The following UAP1 variants were observed in gnomAD, a reference collection of about 807,000 sequenced individuals.
The protein encoded by UAP1 is UDP-N-acetylglucosamine pyrophosphorylase 1.
UAP1 carries 25 observed loss-of-function variants against 58.5 expected under a neutral mutation model. That is an observed-to-expected ratio of 0.43 (90% CI 0.31 to 0.60). The LOEUF is 0.60. Ranked by LOEUF, UAP1 falls within the 20% of genes least tolerant of loss-of-function variation. UAP1 has a pLI of 0.11. For missense variants in UAP1, 575 were observed against 630.0 expected (o/e 0.91, Z 0.93); for synonymous variants, 208 against 213.0 (o/e 0.98, Z 0.21).
exon 2 of UAP1, chr1:162,566,309 A>G: frequency 1.2e-6 from 2 of 1,614,180 alleles, no homozygotes; most frequent in Non-Finnish European, 1.7e-6. Context: ...AGGCAGTGCT[A>G]CAAGGGATCA....
At chr1:162,567,361 A>G (rs1557963988) in intron 2 of UAP1, among the ~76,000 whole-genome samples, 1 of 152,238 alleles carries the variant, frequency 6.6e-6, no homozygotes, top group Non-Finnish European at 1.5e-5. Flanking sequence ...ATTTAGAACA[A>G]GAGTTTTATA....
intron 9 of UAP1, chr1:162,593,007 C>G: frequency 3.7e-6 from 2 of 546,788 alleles, no homozygotes; most frequent in Non-Finnish European, 6.5e-6. Context: ...ACTAAAGAAT[C>G]TGACCACAGG....
chr1:162,562,658 TG>T, intron 1 of UAP1: 1 of 152,328 alleles, frequency 6.6e-6, no homozygotes, highest in African/African-American at 2.4e-5. Flanking sequence ...TGAAATTCAC[TG>T]GGTGTGGATC....
intron 9 of UAP1, chr1:162,597,099 C>G (rs1242343894): frequency 6.6e-6 from 1 of 152,092 alleles, no homozygotes; most frequent in East Asian, 1.9e-4. Flanking sequence ...TAATCTAGGA[C>G]ATTTGGGTTG....
At chr1:162,592,258 C>T (rs570173785) in intron 8 of UAP1, among the ~76,000 whole-genome samples, 5 of 152,056 alleles carry the variant, frequency 3.3e-5, no homozygotes, top group African/African-American at 7.2e-5. Context: ...GGCATGGTAG[C>T]GCATGCCTGT....
Position 162,592,714 on chromosome 1 carries a change from T to TTATTTATTC in UAP1, c.1359-17_1359-9dup, listed in dbSNP as rs773210796. The TTATTTATTC allele has an allele frequency of 7.6e-4, 1,170 of 1,539,790 alleles. 2 individuals carry two copies. The highest frequency in any genetic ancestry group is 9.6e-4 in the Non-Finnish European group (1,094 of 1,137,158). On this transcript the variant is annotated splice_polypyrimidine_tract_variant and intron_variant, in intron 8 of 10. Coordinates refer to ENST00000271469, the Ensembl canonical transcript of UAP1. ...GATTTGCTTCCATTCCCATTAATCC[T>TTATTTATTC]TATTTATTCCCACATAGCAGTGCTA...
intron 5 of UAP1, among the ~76,000 whole-genome samples, chr1:162,584,287 T>C (rs1467090927): frequency 6.6e-6 from 1 of 152,208 alleles, no homozygotes; most frequent in Non-Finnish European, 1.5e-5. Flanking sequence ...TAAGTAAATA[T>C]TCAGATGGAA....
exon 8 of UAP1, chr1:162,590,372 A>G: frequency 6.2e-7 from 1 of 1,613,500 alleles, no homozygotes; most frequent in Non-Finnish European, 8.5e-7. Context: ...TTCCCCACTA[A>G]AGAATGCTGA....
chr1:162,599,394 G>A, exon 11 of UAP1: 2 of 1,453,470 alleles, frequency 1.4e-6, no homozygotes, highest in South Asian at 1.2e-5. Flanking sequence ...TGCCACGATA[G>A]GAATAGCTTT....
chr1:162,596,481 AT>A (rs1655628271), intron 9 of UAP1, among the ~76,000 whole-genome samples: 1 of 152,146 alleles, frequency 6.6e-6, no homozygotes, highest in Non-Finnish European at 1.5e-5. Flanking sequence ...AGCCACATTT[AT>A]TTTTTATATG....
chr1:162,590,569 C>A, intron 8 of UAP1, 58 bp downstream of exon 8: 1 of 1,403,204 alleles, frequency 7.1e-7, no homozygotes, highest in Non-Finnish European at 9.7e-7. Context: ...TCCTCTTGGA[C>A]TTCTCTCTCT....
chr1:162,577,466 T>TTTTTTC (rs1654271870), intron 3 of UAP1, among the ~76,000 whole-genome samples: 2 of 134,262 alleles, frequency 1.5e-5, no homozygotes, highest in African/African-American at 6.2e-5. Context: ...TTTTTTTTTT[T>TTTTTTC]GAGACAGGGT....
intron 5 of UAP1, among the ~76,000 whole-genome samples, chr1:162,583,836 C>T (rs1167452193): frequency 3.3e-5 from 5 of 151,754 alleles, no homozygotes; most frequent in African/African-American, 9.7e-5. Flanking sequence ...GACAGGGTTT[C>T]ACTGTGTTGC....
intron 2 of UAP1, among the ~76,000 whole-genome samples, chr1:162,569,503 A>C (rs1346884553): frequency 2.0e-5 from 3 of 152,248 alleles, no homozygotes; most frequent in Non-Finnish European, 4.4e-5. Context: ...TCTTTATTTT[A>C]CAAAGCTGAG....
Position 162,578,230 on chromosome 1 carries a change from T to G in UAP1, c.486-1198T>G, listed in dbSNP as rs572899441. On this transcript the variant is annotated intron_variant, in intron 3 of 10. Transcript: ENST00000271469. ...CCCATGTGATCAACAAAAGCTCTAC[T>G]AGTTTCTGTCCCCGAGCAGCAGCCT... Among the ~76,000 whole-genome samples, 678 of 152,294 alleles carry G rather than the reference T, an allele frequency of 4.5e-3. 4 individuals are homozygous for G. Among genetic ancestry groups the G allele is most frequent in the Non-Finnish European group, 7.2e-3 (492 of 68,022 alleles).
At chr1:162,575,417 G>T (rs1654116567) in intron 2 of UAP1, among the ~76,000 whole-genome samples, 1 of 152,074 alleles carries the variant, frequency 6.6e-6, no homozygotes, top group Admixed American at 6.6e-5. Flanking sequence ...ATAATAAAAT[G>T]CATTAGTTGT....
At chr1:162,562,048 G>A (rs2101713299) in intron 1 of UAP1, among the ~76,000 whole-genome samples, 1 of 152,338 alleles carries the variant, frequency 6.6e-6, no homozygotes, top group South Asian at 2.1e-4. Context: ...GCGGGGCCAG[G>A]GATGGAATGA....
At chr1:162,592,147 C>T (rs1164855022) in intron 8 of UAP1, among the ~76,000 whole-genome samples, 1 of 152,076 alleles carries the variant, frequency 6.6e-6, no homozygotes, top group Non-Finnish European at 1.5e-5. Context: ...CCTGTAATCC[C>T]AGTATTTTGG....
chr1:162,580,642 A>C (rs1244229147), intron 4 of UAP1, among the ~76,000 whole-genome samples: 3 of 152,212 alleles, frequency 2.0e-5, no homozygotes, highest in Non-Finnish European at 4.4e-5. Flanking sequence ...ATTTCATCTT[A>C]ATTATTTTGG....
Sources: allele counts gnomAD v4.1 joint callset (sites outside exome capture counted in the v4.1 genomes callset), GRCh38; gene constraint gnomAD v4.1.1; transcripts MANE v1.5; gene names NCBI Gene and HGNC (gene_info 2026-07-23, HGNC 2026-07-21).